The following USP45 variants were observed in gnomAD, a reference collection of about 807,000 sequenced individuals.
USP45 encodes the protein ubiquitin specific peptidase 45, also known as ubiquitin carboxyl-terminal hydrolase 45.
In USP45, 89 loss-of-function variants were observed where a neutral mutation model predicts 95.8. That is an observed-to-expected ratio of 0.93 (90% CI 0.78 to 1.11). The LOEUF is 1.11. Ranked by LOEUF, USP45 falls within the 50% of genes least tolerant of loss-of-function variation. The pLI, the probability that USP45 is intolerant of heterozygous loss-of-function variation, is 0.00. For synonymous variants in USP45, 281 were observed against 316.2 expected (o/e 0.89, Z 1.18); for missense variants, 898 against 942.5 (o/e 0.95, Z 0.62).
chr6:99,446,418 C>A lies in USP45; in HGVS notation c.1354G>T (p.Gly452Ter). The change falls in exon 14 of 18, where the codon GGA (glycine) becomes TGA (stop). Residue 452 changes from glycine (G) to a stop codon, truncating the protein, a stop_gained. Transcript: ENST00000500704. LOFTEE classifies it high-confidence loss of function. ...TTTTTCTGGTATGTGACAGTTTCTCCAGATGACAATTTTCTAATACATTTT... is the reference window on the plus strand; with the variant it reads ...TTTTTCTGGTATGTGACAGTTTCTCAAGATGACAATTTTCTAATACATTTT... ...DRKCIRKLSS[G>*]ETVTYQKNEN... 3.7e-6 allele frequency: 6 copies of A among 1,613,976 alleles called. No homozygotes were observed. The highest frequency in any genetic ancestry group is 5.1e-6 in the Non-Finnish European group (6 of 1,180,012).
At chr6:99,451,219 A>G (rs1196873809) in intron 13 of USP45, among the ~76,000 whole-genome samples, 1 of 152,188 alleles carries the variant, frequency 6.6e-6, no homozygotes, top group African/African-American at 2.4e-5. Flanking sequence ...AAGGGTATTC[A>G]ATTAGGAAAA....
At chr6:99,478,372 CAT>C (rs1791446321) in intron 8 of USP45, among the ~76,000 whole-genome samples, 1 of 151,806 alleles carries the variant, frequency 6.6e-6, no homozygotes. Context: ...AATCACCAAA[CAT>C]ATGAAAATAT....
At chr6:99,470,864 A>G (rs1285171420) in intron 9 of USP45, among the ~76,000 whole-genome samples, 1 of 152,200 alleles carries the variant, frequency 6.6e-6, no homozygotes, top group African/African-American at 2.4e-5. Context: ...TAACATTTCA[A>G]ACAACTCAAG....
chr6:99,474,194 A>C (rs1001479027), intron 9 of USP45, among the ~76,000 whole-genome samples: 14 of 152,120 alleles, frequency 9.2e-5, no homozygotes, highest in African/African-American at 3.4e-4. Context: ...ACTACAATTA[A>C]AACAGGATTT....
intron 7 of USP45, among the ~76,000 whole-genome samples, chr6:99,484,088 A>G (rs896976533): frequency 1.5e-5 from 2 of 129,986 alleles, no homozygotes; most frequent in African/African-American, 5.9e-5. Context: ...CTCCCGCCTC[A>G]GCCTCCCAAG....
At chr6:99,495,897 T>C (rs1204271889) in intron 5 of USP45, among the ~76,000 whole-genome samples, 2 of 152,216 alleles carry the variant, frequency 1.3e-5, no homozygotes, top group East Asian at 3.8e-4. Context: ...GGAAGGATAC[T>C]AGTTATGTGA....
At position 99,508,787 on chromosome 6, in the gene USP45, A is replaced by G. The variant is rs376372546; in HGVS notation, c.101-5T>C. ...CATGTTGGCAAGTTAAACCTACTGA[A>G]TAAGATAAAACAAAATCTCAACATT... On this transcript the variant is annotated splice_polypyrimidine_tract_variant and splice_region_variant and intron_variant, in intron 2 of 17. Coordinates refer to ENST00000500704, the MANE Select transcript of USP45 (RefSeq NM_001346022.3). The G allele has an allele frequency of 5.6e-6, 9 of 1,603,750 alleles. No individual in the cohort carries two copies. Among genetic ancestry groups the G allele is most frequent in the African/African-American group, 2.7e-5 (2 of 74,596 alleles).
intron 9 of USP45, among the ~76,000 whole-genome samples, chr6:99,469,478 A>ATC (rs1788805906): frequency 8.1e-5 from 1 of 12,420 alleles, no homozygotes; most frequent in Non-Finnish European, 3.5e-4. Flanking sequence ...TATAATATAT[A>ATC]TATATATATT....
At chr6:99,442,749 A>T (rs1434756811) in intron 15 of USP45, among the ~76,000 whole-genome samples, 1 of 152,136 alleles carries the variant, frequency 6.6e-6, no homozygotes, top group Non-Finnish European at 1.5e-5. Context: ...TGGGAGGCTG[A>T]AGCAGGAGAA....
intron 9 of USP45, among the ~76,000 whole-genome samples, chr6:99,472,713 T>G (rs1335172979): frequency 6.6e-6 from 1 of 152,208 alleles, no homozygotes; most frequent in Non-Finnish European, 1.5e-5. Context: ...AACATGCATC[T>G]ACCCCTCAAC....
At chr6:99,438,441 TC>T (rs1780913224) in intron 16 of USP45, among the ~76,000 whole-genome samples, 1 of 152,224 alleles carries the variant, frequency 6.6e-6, no homozygotes. Flanking sequence ...AAGCCAGATA[TC>T]TTTCAATTTA....
intron 8 of USP45, among the ~76,000 whole-genome samples, chr6:99,478,520 TAGG>T (rs1453173852): frequency 2.6e-5 from 4 of 152,012 alleles, no homozygotes; most frequent in Non-Finnish European, 5.9e-5. Flanking sequence ...AAGCATAAAT[TAGG>T]AGACTGTCAA....
chr6:99,444,903 T>C (rs4499939), intron 14 of USP45, among the ~76,000 whole-genome samples: 73,012 of 152,008 alleles, frequency 0.48, 18,078 homozygotes, highest in East Asian at 0.89. Flanking sequence ...CCTGATCTTT[T>C]AGCCTCACCG....
At chr6:99,484,641 A>C (rs1182027385) in intron 7 of USP45, among the ~76,000 whole-genome samples, 1 of 152,074 alleles carries the variant, frequency 6.6e-6, no homozygotes. Context: ...CTGCAAAAAA[A>C]ATTTAAAAAT....
At chr6:99,437,120 T>TCA in intron 17 of USP45, 126 bp downstream of exon 17, 1 of 727,228 alleles carries the variant, frequency 1.4e-6, no homozygotes, top group Non-Finnish European at 2.1e-6. Flanking sequence ...ATCAATCAAT[T>TCA]AAGTTAAAAT....
At chr6:99,468,205 C>T in intron 10 of USP45, 1 of 464,466 alleles carries the variant, frequency 2.2e-6, no homozygotes, top group Non-Finnish European at 4.3e-6. Context: ...GATCCAAACA[C>T]ATGTCAAATG....
intron 5 of USP45, 58 bp downstream of exon 5, chr6:99,503,707 A>T: frequency 8.9e-7 from 1 of 1,127,872 alleles, no homozygotes; most frequent in Non-Finnish European, 1.3e-6. Flanking sequence ...TGAATTTATG[A>T]ACTCTATATG....
chr6:99,510,208 C>T lies in USP45; in HGVS notation c.13G>A (p.Asp5Asn), dbSNP rs375214806. 9.9e-6 allele frequency: 16 copies of T among 1,613,396 alleles called. No individual in the cohort carries two copies. The African/African-American group carries it at 2.1e-4, about 22-fold the overall frequency. The change falls in exon 2 of 18, where the codon GAT (aspartate) becomes AAT (asparagine). Residue 5 changes from aspartate (D) to asparagine (N), a missense_variant. Physicochemically the swap from Asp to Asn is conservative, Grantham distance 23. Transcript: ENST00000500704. ...TTCTCAGGTAAAGCTTTAGTTGGAT[C>T]TTTCACCCGCATCTGTTATTTACTG... Reference protein sequence around the residue: MRVKDPTKALPEKAK... With the variant: MRVKNPTKALPEKAK...
intron 13 of USP45, chr6:99,461,641 A>G (rs1229371927): frequency 2.0e-5 from 20 of 983,222 alleles, no homozygotes; most frequent in African/African-American, 3.5e-5. Context: ...TATTTTTATC[A>G]TTCTTCATAT....
Sources: gnomAD v4.1 joint callset for allele counts (sites outside exome capture counted in the v4.1 genomes callset) on GRCh38, gnomAD v4.1.1 for gene constraint, MANE v1.5 for transcripts, NCBI Gene and HGNC (gene_info 2026-07-23, HGNC 2026-07-21) for gene names.